Variants in SLC17A7 observed in about 807,000 individuals in gnomAD.
The protein encoded by SLC17A7 is solute carrier family 17 member 7, also known as vesicular glutamate transporter 1.
A neutral mutation model predicts 59.1 loss-of-function variants in SLC17A7; 15 were observed. The ratio of observed to expected loss-of-function variants is 0.25; its 90% CI spans 0.17 to 0.39. The LOEUF is 0.39. Among genes scored for constraint, SLC17A7 ranks in the 10% least tolerant of loss-of-function variants. The pLI is 1.00. For missense variants in SLC17A7, 499 were observed against 765.1 expected (o/e 0.65, Z 4.10); for synonymous variants, 353 against 308.9 (o/e 1.14, Z -1.50).
chr19:49,436,935 T>A lies in SLC17A7; in HGVS notation c.63-134A>T. ...CCCGCACCTCCTCCTTCACCAAGAG[T>A]CCAGGTCCCTGGCTCCCTTCGCCCC... On this transcript the variant is annotated intron_variant, in intron 1 of 11. Coordinates refer to ENST00000221485, the MANE Select transcript of SLC17A7 (RefSeq NM_020309.4). The surrounding 1 kb of genome is among the most constrained non-coding windows in gnomAD (Gnocchi z 4.1). The A allele has an allele frequency of 7.6e-7, 1 of 1,322,286 alleles. No homozygotes were observed. Among genetic ancestry groups the A allele is most frequent in the Non-Finnish European group, 1.0e-6 (1 of 997,932 alleles). 81.9% of individuals were successfully genotyped at this position (1,322,286 alleles called of 1,614,324 possible).
In SLC17A7 at chr19:49,434,818, C is replaced by T. The variant is rs762976563; in HGVS notation, c.499G>A (p.Val167Ile). Residue 167 changes from valine to isoleucine, a missense_variant, in exon 4 of 12, where the codon GTC becomes ATC. Val to Ile is a conservative substitution (Grantham distance 29). Transcript: ENST00000221485. ...LNMLIPSAAR[V>I]HYGCVIFVRI... Reference sequence around the variant, plus strand: ...ACGAAGATGACACAGCCATAGTGGACGCGGGCAGCTGAGGGGATCAGCATG... The same window carrying T: ...ACGAAGATGACACAGCCATAGTGGATGCGGGCAGCTGAGGGGATCAGCATG... 15 of 1,614,072 alleles carry T rather than the reference C, an allele frequency of 9.3e-6. No individual in the cohort carries two copies. The Admixed American group carries it at 1.0e-4, about 11-fold the overall frequency.
In SLC17A7 at chr19:49,433,394, T is replaced by C. The variant is rs2078968325; in HGVS notation, c.867+332A>G. 2.1e-6 allele frequency: 1 copy of C among 465,814 alleles called. No individual in the cohort carries two copies. The highest frequency in any genetic ancestry group is 2.0e-5 in the South Asian group (1 of 49,026). The allele number at this position is 465,814 out of a possible 1,614,324, so 28.9% of individuals were successfully genotyped here. ...CAGGCGGAAGCCACTGAGCCTGCCCTAGGAGTCTCTTTTTATCAAAAATGC... is the reference window on the plus strand; with the variant it reads ...CAGGCGGAAGCCACTGAGCCTGCCCCAGGAGTCTCTTTTTATCAAAAATGC... On this transcript the variant is annotated intron_variant, in intron 7 of 11. Transcript: ENST00000221485. This position sits in a 1 kb window ranked among gnomAD's most constrained non-coding sequence, Gnocchi z 5.7.
At chr19:49,437,064 A>G in intron 1 of SLC17A7, 1 of 567,462 alleles carries the variant, frequency 1.8e-6, no homozygotes, top group Non-Finnish European at 3.1e-6. Flanking sequence ...CAGCTCTGTC[A>G]AATCCTTCAA....
chr19:49,430,885 A>T, intron 11 of SLC17A7, 73 bp from the exon 12 acceptor site: 1 of 1,557,634 alleles, frequency 6.4e-7, no homozygotes, highest in Non-Finnish European at 8.7e-7. Context: ...GGAGGCCTAG[A>T]GGAAGGGAGG....
Position 49,436,839 on chromosome 19 carries a change from GC to G in SLC17A7, c.63-39del, listed in dbSNP as rs777462914. On this transcript the variant is annotated intron_variant, in intron 1 of 11. Coordinates refer to ENST00000221485, the MANE Select transcript of SLC17A7 (RefSeq NM_020309.4). The surrounding 1 kb of genome is among the most constrained non-coding windows in gnomAD (Gnocchi z 4.1). Reference sequence around the variant, plus strand: ...AAGAGCCAGAGACTCGGAAGTCCAGGCCCCCAGCCCCCTCACCCCCAAGACC... The same window carrying G: ...AAGAGCCAGAGACTCGGAAGTCCAGGCCCCAGCCCCCTCACCCCCAAGACC... 1 of 1,588,454 alleles carries G rather than the reference GC, an allele frequency of 6.3e-7. No individual in the cohort carries two copies. The highest frequency in any genetic ancestry group is 1.1e-5 in the South Asian group (1 of 90,432).
At chr19:49,439,966 T>C (rs1257003720) in intron 1 of SLC17A7, among the ~76,000 whole-genome samples, 2 of 152,016 alleles carry the variant, frequency 1.3e-5, no homozygotes, top group African/African-American at 4.8e-5. Flanking sequence ...TTCACACTGA[T>C]GTATTTTGAG....
At chr19:49,434,093 A>G (rs778864484) in intron 5 of SLC17A7, 47 bp from the exon 6 acceptor site, 1 of 1,276,994 alleles carries the variant, frequency 7.8e-7, no homozygotes, top group South Asian at 1.2e-5. Context: ...CTTCCCTCAG[A>G]TCAAGGAGTG....
chr19:49,431,414 G>T lies in SLC17A7; in HGVS notation c.1185C>A (p.Val395=). 1 of 1,614,086 alleles carries T rather than the reference G, an allele frequency of 6.2e-7. No individual in the cohort carries two copies. The highest frequency in any genetic ancestry group is 8.5e-7 in the Non-Finnish European group (1 of 1,180,016). ...CCACGCCCTTGGAGTGCGAGTAGCC[G>T]ACCACCAACAGCAGCGTGGCTTCCA... ...FGMEATLLLV[V]GYSHSKGVAI... is the part of the protein sequence containing the mutation. Residue 395 remains valine (V), a synonymous_variant, in exon 10 of 12, where the codon GTC becomes GTA. Transcript: ENST00000221485. The surrounding 1 kb of genome is among the most constrained non-coding windows in gnomAD (Gnocchi z 4.6).
Position 49,436,201 on chromosome 19 carries a change from G to A in SLC17A7, c.315+348C>T. 1 of 308,730 alleles carries A rather than the reference G, an allele frequency of 3.2e-6. No individual in the cohort carries two copies. The highest frequency in any genetic ancestry group is 6.1e-6 in the Non-Finnish European group (1 of 162,788). 19.1% of individuals were successfully genotyped at this position (308,730 alleles called of 1,614,324 possible). ...GACTGAGATTAAATAGATGTGACCC[G>A]GGGACATGAGCTTGGGGTACAGGCG... On this transcript the variant is annotated intron_variant, in intron 2 of 11. Coordinates refer to ENST00000221485, the MANE Select transcript of SLC17A7 (RefSeq NM_020309.4). The surrounding 1 kb of genome is among the most constrained non-coding windows in gnomAD (Gnocchi z 4.1).
In SLC17A7 at chr19:49,432,720, G is replaced by T. The variant is rs548390425; in HGVS notation, c.1018-69C>A. The T allele has an allele frequency of 3.9e-5, 62 of 1,605,336 alleles. 1 individual carries two copies. In the South Asian group the frequency reaches 5.6e-4, roughly 15 times the overall value. On this transcript the variant is annotated intron_variant, in intron 8 of 11. Coordinates refer to ENST00000221485, the MANE Select transcript of SLC17A7 (RefSeq NM_020309.4). ...GGCTCGGCGTCTCTGCCCGGTCCGTGCACCACCGGCTCCTCCCTGCCTCGG... is the reference window on the plus strand; with the variant it reads ...GGCTCGGCGTCTCTGCCCGGTCCGTTCACCACCGGCTCCTCCCTGCCTCGG...
At chr19:49,434,319 A>G (rs1242408688) in intron 5 of SLC17A7, among the ~76,000 whole-genome samples, 1 of 145,578 alleles carries the variant, frequency 6.9e-6, no homozygotes, top group Non-Finnish European at 1.5e-5. Context: ...CAGACACAGG[A>G]GTGCAGGCCC....
In SLC17A7 at chr19:49,431,453, G is replaced by C; in HGVS notation, c.1151-5C>G. On this transcript the variant is annotated splice_region_variant and splice_polypyrimidine_tract_variant and intron_variant, in intron 9 of 11. Transcript: ENST00000221485. The surrounding 1 kb of genome is among the most constrained non-coding windows in gnomAD (Gnocchi z 4.6). ...GCGTGGCTTCCATGCCGAAGCCTAC[G>C]GGGGCGGGGGGGGCCCGCGTCTCCT... The C allele has an allele frequency of 6.2e-7, 1 of 1,611,380 alleles. No individual in the cohort carries two copies. The highest frequency in any genetic ancestry group is 8.5e-7 in the Non-Finnish European group (1 of 1,178,632).
At chr19:49,440,405 C>T (rs2078995705) in intron 1 of SLC17A7, among the ~76,000 whole-genome samples, 1 of 152,092 alleles carries the variant, frequency 6.6e-6, no homozygotes, top group African/African-American at 2.4e-5. Context: ...GACTTAGAGC[C>T]AAAGCTGGGG....
chr19:49,435,371 G>A lies in SLC17A7; in HGVS notation c.316-85C>T, dbSNP rs978613169. The A allele has an allele frequency of 4.1e-5, 38 of 921,056 alleles. No individual in the cohort carries two copies. In the African/African-American group the frequency reaches 5.0e-4, roughly 12 times the overall value. The allele number at this position is 921,056 out of a possible 1,614,324, so 57.1% of individuals were successfully genotyped here. A position where few individuals can be genotyped will look rare whatever the true frequency, so the allele number is the denominator to read the frequency against. ...TCAGCACCCACAGACTTAGCGTCTC[G>A]ACCTATCAGCAACGAGGAACCCCTC... is the stretch of plus-strand genomic sequence containing the variant. On this transcript the variant is annotated intron_variant, in intron 2 of 11. Coordinates refer to ENST00000221485, the MANE Select transcript of SLC17A7 (RefSeq NM_020309.4).
In SLC17A7 at chr19:49,433,292, G is replaced by T; in HGVS notation, c.868-332C>A. 1 of 383,690 alleles carries T rather than the reference G, an allele frequency of 2.6e-6. No homozygotes were observed. Among genetic ancestry groups the T allele is most frequent in the East Asian group, 5.8e-5 (1 of 17,376 alleles). The allele number at this position is 383,690 out of a possible 1,614,324, so 23.8% of individuals were successfully genotyped here. On this transcript the variant is annotated intron_variant, in intron 7 of 11. Transcript: ENST00000221485. The surrounding 1 kb of genome is among the most constrained non-coding windows in gnomAD (Gnocchi z 5.7). ...TATTTTGAGTAGAGACGGGGGTTTCGCCATGTTGCCCAAGCTGGTCTGGAA... is the reference window on the plus strand; with the variant it reads ...TATTTTGAGTAGAGACGGGGGTTTCTCCATGTTGCCCAAGCTGGTCTGGAA...
In SLC17A7 at chr19:49,429,934, G is replaced by A. The variant is rs1015538100; in HGVS notation, c.*585C>T. The A allele has an allele frequency of 1.9e-5, 4 of 207,606 alleles. No individual in the cohort carries two copies. Among genetic ancestry groups the A allele is most frequent in the African/African-American group, 6.8e-5 (3 of 43,892 alleles). The allele number at this position is 207,606 out of a possible 1,614,324, so 12.9% of individuals were successfully genotyped here. Reference sequence around the variant, plus strand: ...GGTGCTTTCGCAGAATCTGCTGGTAGGGGAGATGTGAAGTGGGCACGGAAT... The same window carrying A: ...GGTGCTTTCGCAGAATCTGCTGGTAAGGGAGATGTGAAGTGGGCACGGAAT... On this transcript the variant is annotated 3_prime_UTR_variant, in exon 12 of 12. Transcript: ENST00000221485.
At chr19:49,432,390 C>A in intron 9 of SLC17A7, 129 bp downstream of exon 9, 1 of 1,307,464 alleles carries the variant, frequency 7.6e-7, no homozygotes, top group Non-Finnish European at 1.0e-6. Context: ...GGCCACGGCC[C>A]TTTGCATAGA....
In SLC17A7 at chr19:49,431,108, G is replaced by A; in HGVS notation, c.1296C>T (p.Arg432=). ...AGATGCCCATGAGGATGCTGGCGTA[G>A]CGCGGGGCTATGTCCAGGTGGTTCA... ...FNVNHLDIAP[R]YASILMGISN... The change falls in exon 11 of 12, where the codon CGC becomes CGT. Residue 432 remains arginine (R), a synonymous_variant. Transcript: ENST00000221485. This position sits in a 1 kb window ranked among gnomAD's most constrained non-coding sequence, Gnocchi z 4.6. 1 of 1,613,998 alleles carries A rather than the reference G, an allele frequency of 6.2e-7. No homozygotes were observed. Among genetic ancestry groups the A allele is most frequent in the Middle Eastern group, 1.6e-4 (1 of 6,062 alleles).
chr19:49,430,979 C>A, intron 11 of SLC17A7, 36 bp downstream of exon 11: 1 of 1,586,800 alleles, frequency 6.3e-7, no homozygotes, highest in Non-Finnish European at 8.6e-7. Flanking sequence ...GAAGCACACA[C>A]TTGGAGGCAG....
Sources: gnomAD v4.1 joint callset for allele counts (sites outside exome capture counted in the v4.1 genomes callset) on GRCh38, gnomAD v4.1.1 for gene constraint, Gnocchi (gnomAD v3.1) non-coding constraint, MANE v1.5 for transcripts, NCBI Gene and HGNC (gene_info 2026-07-23, HGNC 2026-07-21) for gene names.